SMG1: variants seen among roughly 807,000 people sequenced by gnomAD.
SMG1 encodes SMG1 nonsense mediated mRNA decay associated PI3K related kinase.
In SMG1, 22 loss-of-function variants were observed where a neutral mutation model predicts 419.9. The ratio of observed to expected loss-of-function variants is 0.05; its 90% CI spans 0.04 to 0.07. SMG1 has a LOEUF of 0.07. SMG1 is among the 10% of genes least tolerant of loss of function. SMG1 has a pLI of 1.00. For synonymous variants in SMG1, 1,538 were observed against 1,553.5 expected (o/e 0.99, Z 0.23); for missense variants, 3,185 against 4,342.0 (o/e 0.73, Z 7.49).
At chr16:18,920,090 T>TA (rs36117552) in intron 1 of SMG1, among the ~76,000 whole-genome samples, 14,294 of 148,996 alleles carry the variant, frequency 0.096, 723 homozygotes, top group Middle Eastern at 0.18. Context: ...AACTATGTCT[T>TA]AAAAAAAAAG....
chr16:18,868,842 A>C, intron 20 of SMG1, 123 bp from the exon 21 acceptor site: 1 of 631,976 alleles, frequency 1.6e-6, no homozygotes, highest in Non-Finnish European at 2.8e-6. Flanking sequence ...TTTAAAAATA[A>C]AAAATCCCAA....
intron 1 of SMG1, among the ~76,000 whole-genome samples, chr16:18,919,059 G>C (rs1439399287): frequency 2.6e-5 from 4 of 151,878 alleles, no homozygotes; most frequent in African/African-American, 9.7e-5. Flanking sequence ...CAGTGCAGTA[G>C]CTTATGCCTG....
At chr16:18,862,492 A>G (rs1418930121) in intron 25 of SMG1, among the ~76,000 whole-genome samples, 1 of 152,206 alleles carries the variant, frequency 6.6e-6, no homozygotes, top group Non-Finnish European at 1.5e-5. Flanking sequence ...TCCAAATCCA[A>G]TTCTTAACAG....
At chr16:18,818,071 G>C (rs543475081) in intron 56 of SMG1, among the ~76,000 whole-genome samples, 2 of 118,470 alleles carry the variant, frequency 1.7e-5, no homozygotes, top group African/African-American at 7.9e-5. Flanking sequence ...GTGCCACCAT[G>C]CCTAGCTAAA....
intron 1 of SMG1, among the ~76,000 whole-genome samples, chr16:18,903,498 G>T (rs960018274): frequency 3.9e-5 from 6 of 152,078 alleles, no homozygotes; most frequent in Non-Finnish European, 5.9e-5. Context: ...ACTACCAGTG[G>T]ATGACCTTAT....
At chr16:18,925,751 A>T in intron 1 of SMG1, 199 bp downstream of exon 1, 2 of 439,286 alleles carry the variant, frequency 4.6e-6, no homozygotes, top group Non-Finnish European at 8.0e-6. Flanking sequence ...GGGCTGAACA[A>T]GCAGGGAGGG....
rs1421127446 is a variant in SMG1, at chr16:18,916,841, G to A, written c.92+9109C>T. ...ACAGCTCCTCTGAATCATCAAGGGT[G>A]GTCCAATGAAAGGAGCCTCAGGGAT... On this transcript the variant is annotated intron_variant, in intron 1 of 62. Transcript: ENST00000446231. Among the ~76,000 whole-genome samples the A allele has an allele frequency of 5.9e-5, 9 of 152,176 alleles. No individual in the cohort carries two copies. The East Asian group carries it at 1.2e-3, about 20-fold the overall frequency.
In SMG1 at chr16:18,917,000, T is replaced by C. The variant is rs996954400; in HGVS notation, c.92+8950A>G. ...ATTTTATATGACACTTATATGACAT[T>C]CCATACATGTGTCTAACATGAAGAT... On this transcript the variant is annotated intron_variant, in intron 1 of 62. Coordinates refer to ENST00000446231, the MANE Select transcript of SMG1 (RefSeq NM_015092.5). Among the ~76,000 whole-genome samples the C allele has an allele frequency of 2.0e-5, 3 of 152,050 alleles. No individual in the cohort carries two copies. The East Asian group carries it at 5.8e-4, about 30-fold the overall frequency.
intron 6 of SMG1, among the ~76,000 whole-genome samples, chr16:18,886,001 T>C (rs983438333): frequency 2.6e-5 from 4 of 152,134 alleles, no homozygotes; most frequent in African/African-American, 9.6e-5. Flanking sequence ...TTCACTCCAC[T>C]AAGATGTTAA....
rs569517457 is a variant in SMG1, at chr16:18,864,877, G to C, written c.3351-733C>G. On this transcript the variant is annotated intron_variant, in intron 23 of 62. Coordinates refer to ENST00000446231, the MANE Select transcript of SMG1 (RefSeq NM_015092.5). Reference sequence around the variant, plus strand: ...CTAAAACAGTGAGTCGACTATGGTGGGGGGAGGTTTGATGTCTTCCTCACA... The same window carrying C: ...CTAAAACAGTGAGTCGACTATGGTGCGGGGAGGTTTGATGTCTTCCTCACA... Among the ~76,000 whole-genome samples the C allele has an allele frequency of 4.9e-4, 75 of 152,276 alleles. 1 individual carries two copies. Among genetic ancestry groups the C allele is most frequent in the Admixed American group, 3.9e-3 (59 of 15,290 alleles).
chr16:18,817,987 A>C (rs965957638), intron 56 of SMG1, among the ~76,000 whole-genome samples: 1 of 151,422 alleles, frequency 6.6e-6, no homozygotes, highest in African/African-American at 2.4e-5. Context: ...CTGTAGCCTT[A>C]AACTCCTGGG....
At chr16:18,877,928 A>C (rs1037177777) in intron 11 of SMG1, 1 of 152,212 alleles carries the variant, frequency 6.6e-6, no homozygotes, top group African/African-American at 2.4e-5. Context: ...TTGCTTTAAA[A>C]TACTCCAGTT....
At position 18,807,536 on chromosome 16, in the gene SMG1, C is replaced by CT. The variant is rs2030951212; in HGVS notation, c.*2032dup. 6.6e-6 allele frequency: 1 copy of CT among 152,128 alleles called. No homozygotes were observed. Among genetic ancestry groups the CT allele is most frequent in the Non-Finnish European group, 1.5e-5 (1 of 68,020 alleles). 9.4% of individuals were successfully genotyped at this position (152,128 alleles called of 1,614,324 possible). On this transcript the variant is annotated 3_prime_UTR_variant, in exon 63 of 63. Transcript: ENST00000446231. The stretch of plus-strand genomic sequence containing the variant: ...AAAAAAATCCACCGTGCCTACAATA[C>CT]TTGTTAAAGTACCAAAAAAGCACTG...
chr16:18,926,119 C>T lies in SMG1; in HGVS notation c.-78G>A. The T allele has an allele frequency of 7.6e-6, 10 of 1,316,056 alleles. No homozygotes were observed. Among genetic ancestry groups the T allele is most frequent in the Non-Finnish European group, 9.2e-6 (9 of 980,566 alleles). 81.5% of individuals were successfully genotyped at this position (1,316,056 alleles called of 1,614,324 possible). ...CGCCGCCCGAACCGGCCGCCGCCGACACCCCGCTCCGGCCCGGGGCTGAGG... is the reference window on the plus strand; with the variant it reads ...CGCCGCCCGAACCGGCCGCCGCCGATACCCCGCTCCGGCCCGGGGCTGAGG... On this transcript the variant is annotated 5_prime_UTR_variant, in exon 1 of 63. Coordinates refer to ENST00000446231, the MANE Select transcript of SMG1 (RefSeq NM_015092.5).
At chr16:18,898,697 C>A (rs1475306149) in intron 1 of SMG1, among the ~76,000 whole-genome samples, 1 of 152,196 alleles carries the variant, frequency 6.6e-6, no homozygotes, top group Non-Finnish European at 1.5e-5. Context: ...TTGACTAATT[C>A]GGAAACACAA....
At position 18,854,645 on chromosome 16, in the gene SMG1, AT is replaced by A; in HGVS notation, c.4483+10del. 6.2e-7 allele frequency: 1 copy of A among 1,608,014 alleles called. No homozygotes were observed. Among genetic ancestry groups the A allele is most frequent in the Non-Finnish European group, 8.5e-7 (1 of 1,177,232 alleles). ...TATACTCATGTATTAACCATAATTA[AT>A]TTTACTAACCTGCTGTATAAAGCAA... On this transcript the variant is annotated intron_variant, in intron 30 of 62. Coordinates refer to ENST00000446231, the MANE Select transcript of SMG1 (RefSeq NM_015092.5).
At chr16:18,859,447 G>T in intron 27 of SMG1, 109 bp downstream of exon 27, 3 of 638,518 alleles carry the variant, frequency 4.7e-6, no homozygotes, top group Non-Finnish European at 8.2e-6. Flanking sequence ...GAAGCTATTA[G>T]CACTAGTATT....
chr16:18,834,458 G>A lies in SMG1; in HGVS notation c.8331-20C>T, dbSNP rs1481377327. The A allele has an allele frequency of 5.0e-6, 8 of 1,599,648 alleles. No homozygotes were observed. Among genetic ancestry groups the A allele is most frequent in the Non-Finnish European group, 6.8e-6 (8 of 1,171,074 alleles). On this transcript the variant is annotated intron_variant, in intron 49 of 62. Coordinates refer to ENST00000446231, the MANE Select transcript of SMG1 (RefSeq NM_015092.5). ...TTACGCCTACAAGAGATAAATATCTGTACAGTGAAACTTAAATGTATAAAC... is the reference window on the plus strand; with the variant it reads ...TTACGCCTACAAGAGATAAATATCTATACAGTGAAACTTAAATGTATAAAC...
At position 18,809,027 on chromosome 16, in the gene SMG1, T is replaced by C. The variant is rs2031119533; in HGVS notation, c.*542A>G. On this transcript the variant is annotated 3_prime_UTR_variant, in exon 63 of 63. Transcript: ENST00000446231. ...TTTCAGTCCATTTCTGAAATTCATA[T>C]CGCATAGCCTTTAGCCTTTTTCTAC... 6.5e-6 allele frequency: 1 copy of C among 153,214 alleles called. No homozygotes were observed. Among genetic ancestry groups the C allele is most frequent in the Admixed American group, 6.5e-5 (1 of 15,376 alleles). 9.5% of individuals were successfully genotyped at this position (153,214 alleles called of 1,614,324 possible).
Sources: gnomAD v4.1 joint callset for allele counts (sites outside exome capture counted in the v4.1 genomes callset) on GRCh38, gnomAD v4.1.1 for gene constraint, MANE v1.5 for transcripts, NCBI Gene and HGNC (gene_info 2026-07-23, HGNC 2026-07-21) for gene names.